Variants in PRKDC observed in about 807,000 individuals in gnomAD.
PRKDC encodes DNA-dependent protein kinase catalytic subunit.
PRKDC carries 82 observed loss-of-function variants against 486.9 expected under a neutral mutation model. The observed-to-expected ratio is 0.17, with a 90% CI of 0.14 to 0.20. The LOEUF is 0.20. PRKDC is among the 10% of genes least tolerant of loss of function. The probability of loss-of-function intolerance (pLI) is 1.00; values close to 1 mark genes in which losing one functional copy is unlikely to be tolerated. For missense variants in PRKDC, 4,504 were observed against 5,038.2 expected (o/e 0.89, Z 3.21); for synonymous variants, 1,895 against 1,837.0 (o/e 1.03, Z -0.81).
chr8:47,832,076 A>C, intron 59 of PRKDC, 150 bp from the exon 60 acceptor site: 1 of 668,224 alleles, frequency 1.5e-6, no homozygotes, highest in Non-Finnish European at 2.6e-6. Flanking sequence ...CACAGCTGCA[A>C]CTGGAACTGC....
intron 31 of PRKDC, 47 bp from the exon 32 acceptor site, chr8:47,890,527 C>T (rs1298375586): frequency 7.3e-7 from 1 of 1,373,900 alleles, no homozygotes; most frequent in East Asian, 2.5e-5. Flanking sequence ...CCTTTCAACT[C>T]CACTAAGATT....
intron 40 of PRKDC, among the ~76,000 whole-genome samples, chr8:47,871,349 A>G (rs952354282): frequency 1.3e-5 from 2 of 152,208 alleles, no homozygotes; most frequent in Admixed American, 6.5e-5. Context: ...AGGGGAAAGA[A>G]ACAAGTAACA....
intron 21 of PRKDC, among the ~76,000 whole-genome samples, chr8:47,919,089 A>C (rs2090033670): frequency 6.6e-6 from 1 of 152,176 alleles, no homozygotes; most frequent in South Asian, 2.1e-4. Context: ...TGTTTTCCAC[A>C]AGGACAGTCT....
chr8:47,896,539 T>C (rs533875623), intron 30 of PRKDC, among the ~76,000 whole-genome samples: 47 of 150,696 alleles, frequency 3.1e-4, no homozygotes, highest in African/African-American at 1.1e-3. Flanking sequence ...CCCAGCTACT[T>C]GGGAGGATGA....
chr8:47,909,759 T>C (rs771433046), intron 25 of PRKDC, among the ~76,000 whole-genome samples: 3 of 152,318 alleles, frequency 2.0e-5, no homozygotes, highest in African/African-American at 7.2e-5. Flanking sequence ...GTCTGTCTTA[T>C]GCAGTTGAGA....
Position 47,929,920 on chromosome 8 carries a change from A to C in PRKDC, c.1985T>G (p.Leu662Arg). 6.2e-7 allele frequency: 1 copy of C among 1,608,712 alleles called. No individual in the cohort carries two copies. The highest frequency in any genetic ancestry group is 1.7e-5 in the Admixed American group (1 of 58,786). ...ELILQSTRLPLISGFYKLLSI... is the reference protein window; with the variant it reads ...ELILQSTRLPRISGFYKLLSI... ...AAGCAATTTGTAGAAACCACTGATG[A>C]GGGGCAACCTTGTAGATTGCAAAAT... Residue 662 changes from leucine (L) to arginine (R), a missense_variant, in exon 18 of 86, where the codon CTC becomes CGC. This residue lies in a region of PRKDC where 1,969 missense variants were observed against 2,068.9 expected (regional missense o/e 0.95). Coordinates refer to ENST00000314191, the MANE Select transcript of PRKDC (RefSeq NM_006904.7).
intron 9 of PRKDC, 75 bp from the exon 10 acceptor site, chr8:47,943,441 A>T: frequency 6.9e-7 from 1 of 1,440,938 alleles, no homozygotes. Context: ...ACCTGCAGGG[A>T]TATGTCAAAG....
At chr8:47,781,549 G>A (rs2086699334) in intron 80 of PRKDC, among the ~76,000 whole-genome samples, 1 of 152,026 alleles carries the variant, frequency 6.6e-6, no homozygotes, top group Non-Finnish European at 1.5e-5. Flanking sequence ...CCCTCAAAAT[G>A]TTTCTCATGT....
intron 77 of PRKDC, 50 bp from the exon 78 acceptor site, chr8:47,783,859 T>C (rs1039752400): frequency 3.2e-6 from 5 of 1,567,250 alleles, no homozygotes; most frequent in Non-Finnish European, 4.4e-6. Context: ...GACAACCGCC[T>C]GTATTTTAAA....
At chr8:47,952,974 T>C (rs1004564835) in intron 7 of PRKDC, among the ~76,000 whole-genome samples, 3 of 152,148 alleles carry the variant, frequency 2.0e-5, no homozygotes, top group African/African-American at 4.8e-5. Flanking sequence ...ACCCCATCTC[T>C]ACTAAAAATA....
At chr8:47,879,875 C>CT (rs1454017588) in intron 38 of PRKDC, among the ~76,000 whole-genome samples, 4 of 127,494 alleles carry the variant, frequency 3.1e-5, no homozygotes, top group African/African-American at 1.2e-4. Context: ...GAGTCTCACT[C>CT]TGTCACCCAG....
chr8:47,776,738 T>C (rs1490069846), intron 85 of PRKDC, 106 bp downstream of exon 85: 3 of 1,405,560 alleles, frequency 2.1e-6, no homozygotes, highest in Non-Finnish European at 2.9e-6. Flanking sequence ...AGAGAAGTCA[T>C]GCTAACAGAG....
At chr8:47,916,688 T>A (rs987102858) in intron 22 of PRKDC, among the ~76,000 whole-genome samples, 2 of 152,186 alleles carry the variant, frequency 1.3e-5, no homozygotes, top group African/African-American at 4.8e-5. Flanking sequence ...AGTGGCTACT[T>A]CAGCTCCCAG....
intron 45 of PRKDC, among the ~76,000 whole-genome samples, chr8:47,860,003 C>T (rs2088639623): frequency 6.6e-6 from 1 of 152,124 alleles, no homozygotes; most frequent in South Asian, 2.1e-4. Context: ...TTATACTGGT[C>T]CAATTTTGCA....
intron 54 of PRKDC, among the ~76,000 whole-genome samples, chr8:47,841,893 G>A (rs1290338183): frequency 6.6e-6 from 1 of 152,212 alleles, no homozygotes; most frequent in Non-Finnish European, 1.5e-5. Flanking sequence ...AAGGGAACGT[G>A]AACTGGGCAG....
intron 38 of PRKDC, among the ~76,000 whole-genome samples, chr8:47,880,190 G>A (rs910417181): frequency 9.2e-5 from 14 of 152,094 alleles, no homozygotes; most frequent in African/African-American, 2.2e-4. Flanking sequence ...GTTGGTTGAC[G>A]CCAGCTATGG....
At position 47,774,220 on chromosome 8, in the gene PRKDC, G is replaced by A; in HGVS notation, c.12340C>T (p.Pro4114Ser). The stretch of plus-strand genomic sequence containing the variant: ...TCCCAGGTTCTGCCAAGGATGTTGG[G>A]GTCTGTTGCCTGGTCCATCAGGCAC... ...VKCLMDQATD[P>S]NILGRTWEGW... The change falls in exon 86 of 86, where the codon CCC becomes TCC. Residue 4114 changes from proline (P) to serine (S), a missense_variant. Pro to Ser is a moderately conservative substitution (Grantham distance 74). Transcript: ENST00000314191. The A allele has an allele frequency of 1.3e-6, 2 of 1,597,580 alleles. No individual in the cohort carries two copies. The highest frequency in any genetic ancestry group is 1.7e-6 in the Non-Finnish European group (2 of 1,171,898).
Position 47,774,036 on chromosome 8 carries a change from T to G in PRKDC, c.*137A>C. 1.2e-6 allele frequency: 1 copy of G among 850,754 alleles called. No homozygotes were observed. Among genetic ancestry groups the G allele is most frequent in the Non-Finnish European group, 1.8e-6 (1 of 567,424 alleles). 52.7% of individuals were successfully genotyped at this position (850,754 alleles called of 1,614,324 possible). A position where few individuals can be genotyped will look rare whatever the true frequency, so the allele number is the denominator to read the frequency against. On this transcript the variant is annotated 3_prime_UTR_variant, in exon 86 of 86. Transcript: ENST00000314191. ...TACTCATCATAATCTTGATTTAAACTCATGCTACGAAACTGTAGCACAAAA... is the reference window on the plus strand; with the variant it reads ...TACTCATCATAATCTTGATTTAAACGCATGCTACGAAACTGTAGCACAAAA...
chr8:47,918,797 A>G (rs2090029266), intron 21 of PRKDC, among the ~76,000 whole-genome samples: 1 of 152,348 alleles, frequency 6.6e-6, no homozygotes, highest in South Asian at 2.1e-4. Context: ...TTGCAGTAGA[A>G]CATCAACTAG....
Sources: gnomAD v4.1 joint callset for allele counts (sites outside exome capture counted in the v4.1 genomes callset) on GRCh38, gnomAD v4.1.1 for gene constraint, gnomAD v4.1.1 regional missense constraint, MANE v1.5 for transcripts, NCBI Gene and HGNC (gene_info 2026-07-23, HGNC 2026-07-21) for gene names.